MIB1: variants seen among roughly 807,000 people sequenced by gnomAD.
MIB1 encodes the protein MIB E3 ubiquitin protein ligase 1.
A neutral mutation model predicts 124.5 loss-of-function variants in MIB1; 278 were observed. The observed-to-expected ratio is 2.23, with a 90% CI of 2.02 to 2.47. The LOEUF (loss-of-function observed/expected upper bound fraction) is 2.47. Among genes scored for constraint, MIB1 ranks in the 30% most tolerant of loss-of-function variants. MIB1 has a pLI of 0.00. For missense variants in MIB1, 957 were observed against 1,254.4 expected, an observed-to-expected ratio of 0.76 and a Z score of 3.58; for synonymous variants, 446 against 429.4, an observed-to-expected ratio of 1.04 and a Z score of -0.48.
rs1568224465 is a variant in MIB1, at chr18:21,844,083, CTCTTTT to C, written c.2050-8_2050-3del. On this transcript the variant is annotated splice_region_variant and splice_polypyrimidine_tract_variant and intron_variant, in intron 14 of 20. Transcript: ENST00000261537. ...CACTTTGCCAAAATGAGACATCTTT[CTCTTTT>C]AGCTTTTGGTCCGTGCAGGTGCCAA... is the stretch of plus-strand genomic sequence containing the variant. The C allele has an allele frequency of 1.2e-6, 2 of 1,612,702 alleles. No homozygotes were observed. Among genetic ancestry groups the C allele is most frequent in the Non-Finnish European group, 1.7e-6 (2 of 1,179,460 alleles).
chr18:21,710,538 C>G (rs1215717764), intron 1 of MIB1, among the ~76,000 whole-genome samples: 1 of 152,124 alleles, frequency 6.6e-6, no homozygotes, highest in Admixed American at 6.6e-5. Context: ...TTGCTTTAGT[C>G]CAGGAGTTTG....
chr18:21,812,830 C>T (rs3017025), intron 10 of MIB1, among the ~76,000 whole-genome samples: 10,395 of 152,072 alleles, frequency 0.068, 760 homozygotes, highest in African/African-American at 0.18. Context: ...TCTCTTTTGG[C>T]ACTAGGAACA....
At chr18:21,738,498 C>G (rs1480713765), upstream of MIB1, among the ~76,000 whole-genome samples, 5 of 152,032 alleles carry the variant, frequency 3.3e-5, no homozygotes, top group African/African-American at 1.2e-4. Flanking sequence ...AATCAACATT[C>G]TAGCATCACA....
chr18:21,777,739 G>T (rs1489109626), intron 4 of MIB1, among the ~76,000 whole-genome samples: 1 of 151,960 alleles, frequency 6.6e-6, no homozygotes, highest in Non-Finnish European at 1.5e-5. Context: ...TGTATTTTTA[G>T]TGGAGACGGG....
chr18:21,806,204 G>A (rs865839286), intron 10 of MIB1, among the ~76,000 whole-genome samples: 1 of 148,906 alleles, frequency 6.7e-6, no homozygotes, highest in African/African-American at 2.5e-5. Flanking sequence ...TGCCTGGCCA[G>A]ATTTTTTTTT....
intron 1 of MIB1, among the ~76,000 whole-genome samples, chr18:21,762,787 T>G (rs1238403797): frequency 6.6e-6 from 1 of 152,194 alleles, no homozygotes; most frequent in African/African-American, 2.4e-5. Flanking sequence ...TTTAGAAGTT[T>G]TTATTTATTT....
chr18:21,844,510 A>G (rs1305773724), intron 15 of MIB1, among the ~76,000 whole-genome samples: 1 of 151,828 alleles, frequency 6.6e-6, no homozygotes, highest in Non-Finnish European at 1.5e-5. Flanking sequence ...TGCTTGGCTC[A>G]CTGCAACCAC....
chr18:21,818,717 A>C (rs1174286672), intron 11 of MIB1, among the ~76,000 whole-genome samples: 1 of 152,100 alleles, frequency 6.6e-6, no homozygotes, highest in Non-Finnish European at 1.5e-5. Context: ...TGGGCAGATC[A>C]CGAGGTCAGG....
chr18:21,724,971 T>C (rs967797766), intron 1 of MIB1, among the ~76,000 whole-genome samples: 1 of 148,132 alleles, frequency 6.8e-6, no homozygotes, highest in African/African-American at 2.5e-5. Flanking sequence ...TGCGGGCGCC[T>C]GTAGTCCCAG....
At chr18:21,725,490 A>G (rs2040737549) in intron 1 of MIB1, among the ~76,000 whole-genome samples, 1 of 152,134 alleles carries the variant, frequency 6.6e-6, no homozygotes, top group Non-Finnish European at 1.5e-5. Context: ...TGCAGTCGAA[A>G]TCTGCTTAAA....
In MIB1 at chr18:21,741,297, C is replaced by G. The variant is rs1352963132; in HGVS notation, c.-287C>G. On this transcript the variant is annotated 5_prime_UTR_variant, in exon 1 of 21. Coordinates refer to ENST00000261537, the MANE Select transcript of MIB1 (RefSeq NM_020774.4). The surrounding 1 kb of genome is among the most constrained non-coding windows in gnomAD (Gnocchi z 5.4). ...GGAGCCCGGAGGAAGCGGGAGAGTC[C>G]CCGCCCACGGCCCCCTCCCCTCTGC... The G allele has an allele frequency of 1.2e-5, 2 of 162,006 alleles. No homozygotes were observed. Among genetic ancestry groups the G allele is most frequent in the African/African-American group, 2.4e-5 (1 of 41,738 alleles). 10.0% of individuals were successfully genotyped at this position (162,006 alleles called of 1,614,324 possible). A position where few individuals can be genotyped will look rare whatever the true frequency, so the allele number is the denominator to read the frequency against.
rs1468267386 is a variant in MIB1, at chr18:21,868,944, G to A, written c.*4278G>A. The A allele has an allele frequency of 6.6e-6, 1 of 152,402 alleles. No individual in the cohort carries two copies. Among genetic ancestry groups the A allele is most frequent in the Non-Finnish European group, 1.5e-5 (1 of 67,884 alleles). 9.4% of individuals were successfully genotyped at this position (152,402 alleles called of 1,614,324 possible). A position where few individuals can be genotyped will look rare whatever the true frequency, so the allele number is the denominator to read the frequency against. On this transcript the variant is annotated 3_prime_UTR_variant, in exon 21 of 21. Transcript: ENST00000261537. Reference sequence around the variant, plus strand: ...ACGTAAACTAGACAGTAGAGCCGATGAATTAAAATTGTAAATTGCTACATT... The same window carrying A: ...ACGTAAACTAGACAGTAGAGCCGATAAATTAAAATTGTAAATTGCTACATT...
chr18:21,779,802 G>A, intron 6 of MIB1, 117 bp downstream of exon 6: 1 of 796,840 alleles, frequency 1.3e-6, no homozygotes, highest in Non-Finnish European at 2.1e-6. Context: ...CTTTTAGATG[G>A]TAAGTAAAAA....
chr18:21,779,571 A>C lies in MIB1; in HGVS notation c.794A>C (p.Gln265Pro). 1 of 1,614,104 alleles carries C rather than the reference A, an allele frequency of 6.2e-7. No individual in the cohort carries two copies. ...DLDLEIVQSL[Q>P]HGHGGWTDGM... ...GACCTCGAAATTGTACAGTCTTTGC[A>C]GCATGGTCATGGAGGATGGACTGAT... The change falls in exon 6 of 21, where the codon CAG becomes CCG. Residue 265 changes from glutamine (Q) to proline (P), a missense_variant. By Grantham distance (76) the Gln-to-Pro change is moderately conservative (BLOSUM62 -1). Coordinates refer to ENST00000261537, the MANE Select transcript of MIB1 (RefSeq NM_020774.4).
chr18:21,760,733 G>T (rs765552241), intron 1 of MIB1, among the ~76,000 whole-genome samples: 25 of 152,286 alleles, frequency 1.6e-4, no homozygotes, highest in Non-Finnish European at 7.4e-5. Context: ...ATATGTAAAT[G>T]AGGCAGTGGT....
At chr18:21,752,064 T>C (rs912735098) in intron 1 of MIB1, among the ~76,000 whole-genome samples, 3 of 152,226 alleles carry the variant, frequency 2.0e-5, no homozygotes, top group Non-Finnish European at 4.4e-5. Flanking sequence ...ATTAGTCCCA[T>C]GAAAGAGTTT....
chr18:21,852,496 A>G (rs1035029327), intron 17 of MIB1, among the ~76,000 whole-genome samples: 1 of 152,170 alleles, frequency 6.6e-6, no homozygotes, highest in African/African-American at 2.4e-5. Flanking sequence ...GGTGGTTAAT[A>G]GTTAAATGTC....
At chr18:21,848,214 C>G (rs1366563168) in intron 16 of MIB1, among the ~76,000 whole-genome samples, 1 of 152,110 alleles carries the variant, frequency 6.6e-6, no homozygotes, top group Non-Finnish European at 1.5e-5. Flanking sequence ...AATCTGAGCA[C>G]TTTGGGAGGC....
intron 6 of MIB1, among the ~76,000 whole-genome samples, chr18:21,787,867 C>T (rs867920568): frequency 3.3e-5 from 5 of 151,638 alleles, no homozygotes; most frequent in South Asian, 2.1e-4. Context: ...TCCTTATCAG[C>T]GGTATAAAAT....
Sources: allele counts gnomAD v4.1 joint callset (sites outside exome capture counted in the v4.1 genomes callset), GRCh38; gene constraint gnomAD v4.1.1; non-coding constraint Gnocchi (gnomAD v3.1); transcripts MANE v1.5; gene names NCBI Gene and HGNC (gene_info 2026-07-23, HGNC 2026-07-21).